The following ASIC2 variants were observed in gnomAD, a reference collection of about 807,000 sequenced individuals.
The protein encoded by ASIC2 is acid-sensing ion channel 2.
In ASIC2, 25 loss-of-function variants were observed where a neutral mutation model predicts 57.3. The ratio of observed to expected loss-of-function variants is 0.44; its 90% CI spans 0.32 to 0.61. The LOEUF (loss-of-function observed/expected upper bound fraction) is 0.61. Among genes scored for constraint, ASIC2 ranks in the 20% least tolerant of loss-of-function variants. The pLI is 0.06. For missense variants in ASIC2, 641 were observed against 738.1 expected (o/e 0.87, Z 1.52); for synonymous variants, 319 against 307.5 (o/e 1.04, Z -0.39).
chr17:33,974,823 C>T (rs1000966516), intron 1 of ASIC2, among the ~76,000 whole-genome samples: 1 of 152,302 alleles, frequency 6.6e-6, no homozygotes, highest in South Asian at 2.1e-4. Flanking sequence ...ACTCGAATGT[C>T]ATCTTTTAAA....
At chr17:33,555,423 A>ACC (rs35837242) in intron 1 of ASIC2, among the ~76,000 whole-genome samples, 6 of 151,754 alleles carry the variant, frequency 4.0e-5, no homozygotes, top group South Asian at 2.1e-4. Flanking sequence ...GCAAAGTGAG[A>ACC]CCCCCCAGCA....
At chr17:34,091,095 C>G (rs1042973343) in intron 1 of ASIC2, among the ~76,000 whole-genome samples, 9 of 152,298 alleles carry the variant, frequency 5.9e-5, no homozygotes, top group Admixed American at 2.0e-4. Flanking sequence ...ATGTTCTATT[C>G]AAGAATATTC....
At chr17:33,440,770 A>G (rs1435904166) in intron 1 of ASIC2, among the ~76,000 whole-genome samples, 3 of 152,148 alleles carry the variant, frequency 2.0e-5, no homozygotes, top group South Asian at 2.1e-4. Flanking sequence ...TCTCGGGTGA[A>G]ATGTGTACTC....
intron 1 of ASIC2, among the ~76,000 whole-genome samples, chr17:33,458,197 G>C (rs1216892512): frequency 2.0e-5 from 3 of 152,072 alleles, no homozygotes; most frequent in African/African-American, 7.2e-5. Flanking sequence ...GGTGTGGTTG[G>C]GGAACAAGAA....
At chr17:33,756,572 C>A (rs1365535353) in intron 1 of ASIC2, among the ~76,000 whole-genome samples, 1 of 152,240 alleles carries the variant, frequency 6.6e-6, no homozygotes, top group Non-Finnish European at 1.5e-5. Context: ...CTCACAAGAG[C>A]CAGGGCTTAC....
chr17:33,659,915 T>TAAAA (rs374452736), intron 1 of ASIC2, among the ~76,000 whole-genome samples: 4 of 123,522 alleles, frequency 3.2e-5, no homozygotes, highest in Admixed American at 8.2e-5. Flanking sequence ...AATAAATAAA[T>TAAAA]AAAATAAAAA....
At chr17:33,612,491 T>C (rs1441211303) in intron 1 of ASIC2, among the ~76,000 whole-genome samples, 2 of 152,204 alleles carry the variant, frequency 1.3e-5, no homozygotes, top group Admixed American at 1.3e-4. Context: ...TTTGTCACAT[T>C]GAGAGGTACC....
chr17:33,604,600 A>C (rs371288269), intron 1 of ASIC2, among the ~76,000 whole-genome samples: 3 of 152,146 alleles, frequency 2.0e-5, no homozygotes, highest in African/African-American at 7.2e-5. Flanking sequence ...AGGGCATTCC[A>C]CCTGAGGGGT....
At chr17:33,907,553 T>C (rs1271703319) in intron 1 of ASIC2, among the ~76,000 whole-genome samples, 1 of 152,166 alleles carries the variant, frequency 6.6e-6, no homozygotes, top group Non-Finnish European at 1.5e-5. Flanking sequence ...TGGTCTCACT[T>C]GTCCCTCCTC....
intron 1 of ASIC2, among the ~76,000 whole-genome samples, chr17:33,472,401 T>C (rs1487715221): frequency 6.6e-6 from 1 of 152,182 alleles, no homozygotes; most frequent in Non-Finnish European, 1.5e-5. Context: ...CATTTTAATC[T>C]TTAAAACAAC....
At chr17:33,301,577 T>A (rs564992758) in intron 1 of ASIC2, among the ~76,000 whole-genome samples, 1 of 152,322 alleles carries the variant, frequency 6.6e-6, no homozygotes, top group Admixed American at 6.5e-5. Flanking sequence ...TTGGGCACTG[T>A]CTTTGATGTT....
intron 1 of ASIC2, among the ~76,000 whole-genome samples, chr17:33,723,491 G>C (rs1028089807): frequency 6.6e-6 from 1 of 152,056 alleles, no homozygotes; most frequent in Non-Finnish European, 1.5e-5. Flanking sequence ...ACCATGTCTG[G>C]CTAATTTTTG....
rs539356426 is a variant in ASIC2, at chr17:33,897,404, A to G, written c.555+258574T>C. On this transcript the variant is annotated intron_variant, in intron 1 of 9. Coordinates refer to the ASIC2 transcript ENST00000359872. ...ACCCCATTGCACTTTGCACTGTTCA[A>G]GGACAAAGACCATCTCTTAATCATC... Among the ~76,000 whole-genome samples, 5 of 152,346 alleles carry G rather than the reference A, an allele frequency of 3.3e-5. No individual in the cohort carries two copies. In the South Asian group the frequency reaches 6.2e-4, roughly 19 times the overall value.
rs1202591560 is a variant in ASIC2, at chr17:34,047,506, CAGAAAAAAAAAA to C, written c.555+108460_555+108471del. On this transcript the variant is annotated intron_variant, in intron 1 of 9. Coordinates refer to the ASIC2 transcript ENST00000359872. The stretch of plus-strand genomic sequence containing the variant: ...TCTTAACATGATGTACACCTTTCTC[CAGAAAAAAAAAA>C]AAAAAAAAAAAAAAAGACTGGAGTA... Among the ~76,000 whole-genome samples, 195 of 68,340 alleles carry C rather than the reference CAGAAAAAAAAAA, an allele frequency of 2.9e-3. 1 individual carries two copies. Among genetic ancestry groups the C allele is most frequent in the African/African-American group, 8.6e-3 (183 of 21,198 alleles). The allele number at this position is 68,340 out of a possible 152,430, so 44.8% of individuals were successfully genotyped here. A position where few individuals can be genotyped will look rare whatever the true frequency, so the allele number is the denominator to read the frequency against.
chr17:33,340,346 T>G (rs1293696926), intron 1 of ASIC2, among the ~76,000 whole-genome samples: 2 of 152,172 alleles, frequency 1.3e-5, no homozygotes, highest in African/African-American at 4.8e-5. Context: ...GTTAGTTTCC[T>G]CAGATGCAAA....
rs188173150 is a variant in ASIC2, at chr17:33,400,215, G to A, written c.556-288148C>T. Among the ~76,000 whole-genome samples the A allele has an allele frequency of 1.2e-4, 19 of 152,344 alleles. No individual in the cohort carries two copies. In the East Asian group the frequency reaches 3.7e-3, roughly 29 times the overall value. On this transcript the variant is annotated intron_variant, in intron 1 of 9. Transcript: ENST00000359872. ...GGGACCTGTGAGATGGGGGACAACT[G>A]ATTGGCTGAGGTTCTCTGTGTGTGA...
At chr17:33,740,636 A>G (rs947440306) in intron 1 of ASIC2, among the ~76,000 whole-genome samples, 9 of 152,200 alleles carry the variant, frequency 5.9e-5, no homozygotes, top group Non-Finnish European at 1.3e-4. Context: ...GTAGCAAGGA[A>G]CATAGACATC....
At chr17:33,029,645 G>A (rs1367812308) in intron 3 of ASIC2, among the ~76,000 whole-genome samples, 1 of 152,280 alleles carries the variant, frequency 6.6e-6, no homozygotes, top group East Asian at 1.9e-4. Flanking sequence ...TTGAGTAAAT[G>A]GCTAGCAGTG....
chr17:34,141,825 T>C (rs535727143), intron 1 of ASIC2, among the ~76,000 whole-genome samples: 2 of 152,350 alleles, frequency 1.3e-5, no homozygotes, highest in Admixed American at 6.5e-5. Flanking sequence ...AAGGGGCACA[T>C]TGCCTGAAAT....
Sources: allele counts gnomAD v4.1 joint callset (sites outside exome capture counted in the v4.1 genomes callset), GRCh38; gene constraint gnomAD v4.1.1; transcripts MANE v1.5; gene names NCBI Gene and HGNC (gene_info 2026-07-23, HGNC 2026-07-21).